DPF3: variants seen among roughly 807,000 people sequenced by gnomAD.
The protein encoded by DPF3 is zinc finger protein DPF3.
Under a neutral mutation model 56.8 loss-of-function variants are expected in DPF3, and 18 were observed. The ratio of observed to expected loss-of-function variants is 0.32; its 90% CI spans 0.22 to 0.47. DPF3 has a LOEUF of 0.47. DPF3 is among the 20% of genes least tolerant of loss of function. DPF3 has a pLI of 1.00. For missense variants in DPF3, 403 were observed against 488.8 expected (o/e 0.82, Z 1.65); for synonymous variants, 188 against 180.2 (o/e 1.04, Z -0.35).
At chr14:72,716,302 G>A (rs982846633) in intron 5 of DPF3, among the ~76,000 whole-genome samples, 8 of 152,100 alleles carry the variant, frequency 5.3e-5, no homozygotes, top group East Asian at 3.9e-4. Flanking sequence ...TGCCACACTC[G>A]CTTTGCCTCA....
rs566426483 is a variant in DPF3, at chr14:72,616,685, C to T, written c.*2612G>A. 6.6e-6 allele frequency among the ~76,000 whole-genome samples: 1 copy of T among 152,270 alleles called. No individual in the cohort carries two copies. The highest frequency in any genetic ancestry group is 6.5e-5 in the Admixed American group (1 of 15,296). ...AGGTTCAGGGAGGTTAGGTGACTTG[C>T]CCAGTGTCACACAGCTACTCCATGG... On this transcript the variant is annotated 3_prime_UTR_variant, in exon 11 of 11. Transcript: ENST00000556509.
intron 8 of DPF3, 150 bp downstream of exon 8, chr14:72,674,090 A>G: frequency 8.2e-7 from 1 of 1,220,512 alleles, no homozygotes; most frequent in Non-Finnish European, 1.1e-6. Flanking sequence ...AAGAAGAAAA[A>G]TATCAGAATG....
chr14:72,617,827 T>A lies in DPF3; in HGVS notation c.*1470A>T, dbSNP rs544262607. 1.3e-5 allele frequency among the ~76,000 whole-genome samples: 2 copies of A among 152,270 alleles called. No homozygotes were observed. The highest frequency in any genetic ancestry group is 4.8e-5 in the African/African-American group (2 of 41,564). ...AACTAAAAATAACCTGGGCCTTTGT[T>A]GTGAGCAGCCAGACCACAGAGATGG... On this transcript the variant is annotated 3_prime_UTR_variant, in exon 11 of 11. Transcript: ENST00000556509.
intron 1 of DPF3, among the ~76,000 whole-genome samples, chr14:72,855,996 G>C (rs998219090): frequency 7.9e-5 from 12 of 152,216 alleles, no homozygotes; most frequent in African/African-American, 2.7e-4. Context: ...CCGAGGAGCT[G>C]GGTGAATTGT....
chr14:72,748,342 G>A (rs1189305661), intron 3 of DPF3, among the ~76,000 whole-genome samples: 1 of 152,232 alleles, frequency 6.6e-6, no homozygotes, highest in South Asian at 2.1e-4. Flanking sequence ...AGATGATTTA[G>A]GGTATCTGGT....
intron 8 of DPF3, among the ~76,000 whole-genome samples, chr14:72,637,040 C>T (rs1203646061): frequency 6.6e-6 from 1 of 152,246 alleles, no homozygotes; most frequent in Non-Finnish European, 1.5e-5. Flanking sequence ...ACCCAGGAAA[C>T]ACATGGGATG....
At chr14:72,624,333 C>CTTTTTTTTTTTTTTTTTTTTT (rs55820708) in intron 9 of DPF3, among the ~76,000 whole-genome samples, 2 of 97,796 alleles carry the variant, frequency 2.0e-5, no homozygotes, top group African/African-American at 7.7e-5. Flanking sequence ...ACCTATGTCT[C>CTTTTTTTTTTTTTTTTTTTTT]TTTTTTTTTT....
Position 72,838,595 on chromosome 14 carries a change from G to A in DPF3, c.32+55462C>T, listed in dbSNP as rs550315295. On this transcript the variant is annotated intron_variant, in intron 1 of 10. Transcript: ENST00000556509. ...TTAGTGGCCAGGCACAGTAACTCAC[G>A]CCTGTAATCCCAGCACTTTGGGAGG... 1.3e-3 allele frequency among the ~76,000 whole-genome samples: 200 copies of A among 151,932 alleles called. 2 individuals carry two copies. Among genetic ancestry groups the A allele is most frequent in the African/African-American group, 4.7e-3 (195 of 41,438 alleles).
In DPF3 at chr14:72,617,003, G is replaced by C. The variant is rs1033347992; in HGVS notation, c.*2294C>G. Among the ~76,000 whole-genome samples the C allele has an allele frequency of 2.0e-5, 3 of 152,134 alleles. No individual in the cohort carries two copies. Among genetic ancestry groups the C allele is most frequent in the African/African-American group, 7.2e-5 (3 of 41,432 alleles). ...GTAATGAAGCTGAGAGGGGAACTCC[G>C]GGGCCATCCTAACGTCACTCCAGAG... On this transcript the variant is annotated 3_prime_UTR_variant, in exon 11 of 11. Transcript: ENST00000556509.
In DPF3 at chr14:72,611,510, C is replaced by A. The variant is rs1883721800; in HGVS notation, c.*7787G>T. ...AGTGTGCCCAATCTGTACTTGAAGC[C>A]CCCACCCCCCCAGTCCCGCTCTCTG... On this transcript the variant is annotated 3_prime_UTR_variant, in exon 11 of 11. Coordinates refer to ENST00000556509, the MANE Select transcript of DPF3 (RefSeq NM_001280542.3). Among the ~76,000 whole-genome samples the A allele has an allele frequency of 1.3e-5, 2 of 151,840 alleles. No homozygotes were observed. The highest frequency in any genetic ancestry group is 2.1e-4 in the South Asian group (1 of 4,814).
At chr14:72,893,728 C>A (rs574152949) in intron 1 of DPF3, among the ~76,000 whole-genome samples, 3 of 152,076 alleles carry the variant, frequency 2.0e-5, no homozygotes, top group African/African-American at 7.2e-5. Context: ...CTCCGGGGAC[C>A]GCGCCGTCCC....
intron 1 of DPF3, among the ~76,000 whole-genome samples, chr14:72,823,066 G>A (rs1458530404): frequency 2.0e-5 from 3 of 152,322 alleles, no homozygotes; most frequent in South Asian, 4.1e-4. Context: ...AGACACTAAA[G>A]CAAAACCAAA....
At chr14:72,636,465 G>GTC (rs1885386247) in intron 8 of DPF3, among the ~76,000 whole-genome samples, 3 of 151,682 alleles carry the variant, frequency 2.0e-5, no homozygotes, top group African/African-American at 4.8e-5. Context: ...TCCCTCTTCT[G>GTC]TCTCTCTCTC....
intron 1 of DPF3, among the ~76,000 whole-genome samples, chr14:72,844,781 T>TTGGTGCACATATAATC (rs1884683403): frequency 2.0e-5 from 3 of 152,350 alleles, no homozygotes; most frequent in South Asian, 4.1e-4. Context: ...GATGAACATC[T>TTGGTGCACATATAATC]TGGTGCACAT....
rs114938242 is a variant in DPF3, at chr14:72,716,860, G to A, written c.526-2359C>T. Among the ~76,000 whole-genome samples, 257 of 152,200 alleles carry A rather than the reference G, an allele frequency of 1.7e-3. 3 individuals carry two copies. The highest frequency in any genetic ancestry group is 6.1e-3 in the African/African-American group (254 of 41,522). On this transcript the variant is annotated intron_variant, in intron 5 of 10. Coordinates refer to ENST00000556509, the MANE Select transcript of DPF3 (RefSeq NM_001280542.3). ...TTCCATTGCACACCCTAATCCAGGA[G>A]CTCATCGACTGACCCCTGAGCTGTT...
chr14:72,885,108 AGAGC>A (rs1886489901), intron 1 of DPF3, among the ~76,000 whole-genome samples: 1 of 145,528 alleles, frequency 6.9e-6, no homozygotes, highest in African/African-American at 2.5e-5. Flanking sequence ...CCTGGGCGAC[AGAGC>A]GAGACTCCGT....
chr14:72,738,997 T>C (rs775675882), intron 3 of DPF3, among the ~76,000 whole-genome samples: 2 of 152,056 alleles, frequency 1.3e-5, no homozygotes, highest in Non-Finnish European at 2.9e-5. Context: ...TCCCAATATT[T>C]TGGGAGGCGA....
chr14:72,631,719 G>A (rs1885180430), intron 8 of DPF3, among the ~76,000 whole-genome samples: 1 of 152,222 alleles, frequency 6.6e-6, no homozygotes, highest in South Asian at 2.1e-4. Context: ...GTGGGGATGA[G>A]CAAGATACCT....
chr14:72,618,920 T>TA lies in DPF3; in HGVS notation c.*376dup, dbSNP rs575284525. On this transcript the variant is annotated 3_prime_UTR_variant, in exon 11 of 11. Coordinates refer to ENST00000556509, the MANE Select transcript of DPF3 (RefSeq NM_001280542.3). ...CCAAGATTTCTTGGAACACAATAGATAAAAAAACACCACACTACACACAAG... is the reference window on the plus strand; with the variant it reads ...CCAAGATTTCTTGGAACACAATAGATAAAAAAAACACCACACTACACACAAG... Among the ~76,000 whole-genome samples the TA allele has an allele frequency of 3.2e-4, 48 of 151,944 alleles. No individual in the cohort carries two copies. Among genetic ancestry groups the TA allele is most frequent in the African/African-American group, 8.9e-4 (37 of 41,426 alleles).
Sources: gnomAD v4.1 joint callset for allele counts (sites outside exome capture counted in the v4.1 genomes callset) on GRCh38, gnomAD v4.1.1 for gene constraint, MANE v1.5 for transcripts, NCBI Gene and HGNC (gene_info 2026-07-23, HGNC 2026-07-21) for gene names.